Variants in TRAIP observed in about 807,000 individuals in gnomAD.
The protein encoded by TRAIP is E3 ubiquitin-protein ligase TRAIP.
TRAIP carries 37 observed loss-of-function variants against 65.0 expected under a neutral mutation model. The ratio of observed to expected loss-of-function variants is 0.57; its 90% CI spans 0.44 to 0.75. TRAIP has a LOEUF of 0.75. Ranked by LOEUF, TRAIP falls within the 30% of genes least tolerant of loss-of-function variation. The pLI is 0.00. For missense variants in TRAIP, 481 were observed against 579.4 expected, an observed-to-expected ratio of 0.83 and a Z score of 1.74; for synonymous variants, 187 against 219.1, an observed-to-expected ratio of 0.85 and a Z score of 1.29.
intron 1 of TRAIP, among the ~76,000 whole-genome samples, chr3:49,851,401 T>C (rs1470497262): frequency 6.6e-6 from 1 of 151,988 alleles, no homozygotes; most frequent in East Asian, 1.9e-4. Context: ...AAAATGTTCT[T>C]TTTTTGAAAT....
chr3:49,829,010 A>G lies in TRAIP; in HGVS notation c.*93T>C. ...GCCCTTACACCTCAGGCTGGTCCCG[A>G]AAGTGGGGCTCTGTCCACAAAACCC... On this transcript the variant is annotated 3_prime_UTR_variant, in exon 15 of 15. Transcript: ENST00000331456. The G allele has an allele frequency of 6.3e-7, 1 of 1,584,976 alleles. No homozygotes were observed. The highest frequency in any genetic ancestry group is 1.3e-5 in the African/African-American group (1 of 74,450).
At chr3:49,829,568 T>C in intron 13 of TRAIP, 49 bp downstream of exon 13, 1 of 1,613,974 alleles carries the variant, frequency 6.2e-7, no homozygotes, top group Non-Finnish European at 8.5e-7. Flanking sequence ...TGGCCACCCA[T>C]TTCTACCCAA....
Position 49,828,725 on chromosome 3 carries a change from A to G in TRAIP, c.*378T>C, listed in dbSNP as rs2081704735. On this transcript the variant is annotated 3_prime_UTR_variant, in exon 15 of 15. Coordinates refer to ENST00000331456, the MANE Select transcript of TRAIP (RefSeq NM_005879.3). The stretch of plus-strand genomic sequence containing the variant: ...GCCTAGAAGCAAGTCAAAGGCAGGT[A>G]GAAGCTTGGGCTGAGGCTGCCTGAG... 1 of 229,912 alleles carries G rather than the reference A, an allele frequency of 4.3e-6. No homozygotes were observed. The highest frequency in any genetic ancestry group is 8.9e-6 in the Non-Finnish European group (1 of 112,008). 14.2% of individuals were successfully genotyped at this position (229,912 alleles called of 1,614,324 possible).
chr3:49,842,380 G>A, intron 6 of TRAIP, 73 bp downstream of exon 6: 2 of 1,446,116 alleles, frequency 1.4e-6, no homozygotes, highest in Non-Finnish European at 9.7e-7. Flanking sequence ...ACTCCCTGCT[G>A]CAGTCCTAAG....
intron 1 of TRAIP, among the ~76,000 whole-genome samples, chr3:49,849,835 CTTTT>C (rs1287894422): frequency 7.8e-6 from 1 of 127,782 alleles, no homozygotes; most frequent in Non-Finnish European, 1.7e-5. Context: ...ATTTTCTTTT[CTTTT>C]CTTTTTTTTT....
intron 8 of TRAIP, 94 bp from the exon 9 acceptor site, chr3:49,840,467 C>A: frequency 1.9e-6 from 2 of 1,028,514 alleles, no homozygotes; most frequent in Non-Finnish European, 3.0e-6. Context: ...CAAGGTAGCC[C>A]AGAAGAGACT....
chr3:49,855,395 C>G (rs2108324211), intron 1 of TRAIP, among the ~76,000 whole-genome samples: 1 of 151,950 alleles, frequency 6.6e-6, no homozygotes, highest in Admixed American at 6.6e-5. Flanking sequence ...TTGCAGTGAG[C>G]CGAGATCACG....
In TRAIP at chr3:49,830,055, C is replaced by A; in HGVS notation, c.1051G>T (p.Asp351Tyr). ...CCTTTGCATATCTTCTTGGGGACAT[C>A]CTGAATTGGGGAGCTACAAGAATGA... ...CLEKSHSPIQDVPKKICKGPR... is the reference protein window; with the variant it reads ...CLEKSHSPIQYVPKKICKGPR... Residue 351 changes from aspartate (D) to tyrosine (Y), a missense_variant, in exon 12 of 15, where the codon GAT becomes TAT. Asp to Tyr is a radical substitution (Grantham distance 160, BLOSUM62 -3). Transcript: ENST00000331456. The A allele has an allele frequency of 6.2e-7, 1 of 1,614,106 alleles. No homozygotes were observed. Among genetic ancestry groups the A allele is most frequent in the Non-Finnish European group, 8.5e-7 (1 of 1,180,012 alleles).
At chr3:49,829,575 C>G in intron 13 of TRAIP, 42 bp downstream of exon 13, 1 of 1,614,136 alleles carries the variant, frequency 6.2e-7, no homozygotes, top group Non-Finnish European at 8.5e-7. Flanking sequence ...CCATTTCTAC[C>G]CAAGAGGGCT....
At chr3:49,847,073 G>A (rs563962416) in intron 3 of TRAIP, among the ~76,000 whole-genome samples, 8 of 151,940 alleles carry the variant, frequency 5.3e-5, no homozygotes, top group African/African-American at 1.9e-4. Flanking sequence ...CCAGCTACTC[G>A]GGAGGCTGAA....
At chr3:49,839,919 A>G in intron 9 of TRAIP, 59 bp from the exon 10 acceptor site, 1 of 1,529,402 alleles carries the variant, frequency 6.5e-7, no homozygotes, top group Non-Finnish European at 9.1e-7. Context: ...TCCGGAGATA[A>G]TGCAGAGGAC....
intron 10 of TRAIP, 96 bp from the exon 11 acceptor site, chr3:49,832,164 G>C (rs1575389641): frequency 7.3e-7 from 1 of 1,377,796 alleles, no homozygotes; most frequent in Non-Finnish European, 9.5e-7. Context: ...CAGGGACCTG[G>C]AGCCCACTCC....
chr3:49,840,807 C>G (rs200588285), intron 8 of TRAIP, among the ~76,000 whole-genome samples, 178 bp downstream of exon 8: 1 of 151,972 alleles, frequency 6.6e-6, no homozygotes, highest in African/African-American at 2.4e-5. Flanking sequence ...CCCTAGTGGA[C>G]AAGCCACATA....
intron 3 of TRAIP, among the ~76,000 whole-genome samples, chr3:49,846,611 T>C (rs1006140932): frequency 2.6e-5 from 4 of 152,218 alleles, no homozygotes; most frequent in African/African-American, 4.8e-5. Context: ...TCCCTCACAG[T>C]GCATTTCTCT....
Position 49,841,896 on chromosome 3 carries a change from TCTC to T in TRAIP, c.544_546del (p.Glu182del), listed in dbSNP as rs1305629635. 2.5e-6 allele frequency: 4 copies of T among 1,614,100 alleles called. No individual in the cohort carries two copies. The highest frequency in any genetic ancestry group is 1.7e-6 in the Non-Finnish European group (2 of 1,180,002). On this transcript the variant is annotated inframe_deletion, in exon 7 of 15. Transcript: ENST00000331456. ...TGTCCCACACCCATGTCTCGGATCA[TCTC>T]CTCCACCTCAGGGCGCTGGCTCTGG...
At chr3:49,855,317 G>A (rs562246789) in intron 1 of TRAIP, among the ~76,000 whole-genome samples, 4 of 151,384 alleles carry the variant, frequency 2.6e-5, no homozygotes, top group Non-Finnish European at 4.4e-5. Flanking sequence ...GCGTGGTGGC[G>A]CACGCCTGTA....
chr3:49,849,396 C>T (rs1056433684), intron 1 of TRAIP, among the ~76,000 whole-genome samples: 2 of 151,298 alleles, frequency 1.3e-5, no homozygotes, highest in African/African-American at 4.8e-5. Flanking sequence ...GAGGCCGAGG[C>T]GGGCAGATCA....
chr3:49,838,394 A>C (rs906030199), intron 10 of TRAIP, among the ~76,000 whole-genome samples: 1 of 152,172 alleles, frequency 6.6e-6, no homozygotes, highest in African/African-American at 2.4e-5. Flanking sequence ...CCCGTCCCCA[A>C]CTGGGAGCTA....
intron 10 of TRAIP, among the ~76,000 whole-genome samples, chr3:49,837,578 C>T (rs894227245): frequency 2.0e-5 from 3 of 152,066 alleles, no homozygotes; most frequent in Non-Finnish European, 4.4e-5. Context: ...GACCTGCCAC[C>T]GTAATTTTTT....
Sources: allele counts gnomAD v4.1 joint callset (sites outside exome capture counted in the v4.1 genomes callset), GRCh38; gene constraint gnomAD v4.1.1; transcripts MANE v1.5; gene names NCBI Gene and HGNC (gene_info 2026-07-23, HGNC 2026-07-21).